Variants in DRC5 observed in about 807,000 individuals in gnomAD.
The protein encoded by DRC5 is dynein regulatory complex subunit 5.
At chr6:44,282,144 G>A in the DRC5 span, 4 of 1,614,170 alleles carry the variant, frequency 2.5e-6, no homozygotes, top group South Asian at 2.2e-5. Flanking sequence ...GTTGATGCTG[G>A]TGAGTGTGGT....
At chr6:44,291,450 ACT>A in the DRC5 span, among the ~76,000 whole-genome samples, 1 of 152,226 alleles carries the variant, frequency 6.6e-6, no homozygotes, top group Non-Finnish European at 1.5e-5. Flanking sequence ...CCCCGCTGTC[ACT>A]GTTATGAGGA....
At chr6:44,280,136 T>C in the DRC5 span, 7 of 1,551,400 alleles carry the variant, frequency 4.5e-6, no homozygotes, top group Non-Finnish European at 6.2e-6. Flanking sequence ...GGCAGGGGTA[T>C]GAAATGAGGG....
chr6:44,292,671 T>C, the DRC5 span, among the ~76,000 whole-genome samples: 6 of 152,284 alleles, frequency 3.9e-5, no homozygotes, highest in African/African-American at 1.4e-4. Flanking sequence ...GGCTATCTGA[T>C]ATAAGCCAAT....
chr6:44,280,346 G>A, the DRC5 span: 1 of 1,614,082 alleles, frequency 6.2e-7, no homozygotes, highest in South Asian at 1.1e-5. Flanking sequence ...ATTCCAGGAG[G>A]GTCTTGTTGT....
At chr6:44,287,286 A>T in the DRC5 span, 2 of 966,488 alleles carry the variant, frequency 2.1e-6, no homozygotes, top group Non-Finnish European at 2.5e-6. Flanking sequence ...TTTGCTGGAG[A>T]GAGTAGAAAA....
chr6:44,297,689 G>C, the DRC5 span: 3 of 152,204 alleles, frequency 2.0e-5, no homozygotes, highest in African/African-American at 7.2e-5. Context: ...CTCGCCTCAC[G>C]CAGAGTCCCG....
chr6:44,282,411 C>T, the DRC5 span: 1 of 1,613,962 alleles, frequency 6.2e-7, no homozygotes, highest in Non-Finnish European at 8.5e-7. Flanking sequence ...GCGGCTGTGG[C>T]TCAGCAGCTT....
chr6:44,295,820 C>T, the DRC5 span, among the ~76,000 whole-genome samples: 2 of 152,198 alleles, frequency 1.3e-5, no homozygotes, highest in African/African-American at 4.8e-5. Context: ...CAGGTCCCCA[C>T]TTGCCTCAGT....
chr6:44,297,062 A>C, the DRC5 span, among the ~76,000 whole-genome samples: 2 of 8,904 alleles, frequency 2.2e-4, no homozygotes, highest in African/African-American at 3.3e-4. Context: ...GCGGCTCTGG[A>C]GTCTCCCACC....
At chr6:44,288,458 T>C in the DRC5 span, among the ~76,000 whole-genome samples, 2 of 152,122 alleles carry the variant, frequency 1.3e-5, no homozygotes, top group African/African-American at 4.8e-5. Flanking sequence ...AAATTCATGC[T>C]CTGAACCCTA....
At chr6:44,287,355 G>T in the DRC5 span, 1 of 588,322 alleles carries the variant, frequency 1.7e-6, no homozygotes, top group Non-Finnish European at 2.1e-6. Flanking sequence ...GGTGGGACCT[G>T]CCAGTGGGAA....
the DRC5 span, chr6:44,282,500 G>C: frequency 2.6e-5 from 41 of 1,607,360 alleles, 2 homozygotes; most frequent in South Asian, 4.3e-4. Flanking sequence ...GGTCCAGAAG[G>C]CTTCGAATTA....
the DRC5 span, among the ~76,000 whole-genome samples, chr6:44,285,486 C>A: frequency 1.3e-5 from 2 of 152,306 alleles, no homozygotes; most frequent in Non-Finnish European, 2.9e-5. Flanking sequence ...AACTCCGAGG[C>A]TCAAGGGATT....
the DRC5 span, chr6:44,287,605 G>T: frequency 6.2e-7 from 1 of 1,614,116 alleles, no homozygotes. Flanking sequence ...GGGCACGATG[G>T]CCAGTGACCA....
the DRC5 span, among the ~76,000 whole-genome samples, chr6:44,295,244 G>T: frequency 6.6e-6 from 1 of 152,188 alleles, no homozygotes; most frequent in Non-Finnish European, 1.5e-5. Context: ...GGTACGTCTT[G>T]TGCCACCACC....
At chr6:44,283,572 C>A in the DRC5 span, among the ~76,000 whole-genome samples, 2 of 152,204 alleles carry the variant, frequency 1.3e-5, no homozygotes, top group African/African-American at 4.8e-5. Context: ...CCCTCTTACC[C>A]AGCTGAGTCC....
the DRC5 span, among the ~76,000 whole-genome samples, chr6:44,285,407 G>C: frequency 6.6e-6 from 1 of 152,100 alleles, no homozygotes. Flanking sequence ...CAAAATTTTT[G>C]GAGACAGGGT....
At chr6:44,285,948 T>C in the DRC5 span, 740 of 1,599,564 alleles carry the variant, frequency 4.6e-4, 17 homozygotes, top group Admixed American at 0.012. Context: ...GGGGGAAGGC[T>C]GGGAGCAGAC....
the DRC5 span, chr6:44,286,365 C>T: frequency 1.9e-6 from 3 of 1,614,066 alleles, no homozygotes; most frequent in South Asian, 2.2e-5. Flanking sequence ...TTCCAGCTGC[C>T]GCCATGGTGG....
Sources: gnomAD v4.1 joint callset for allele counts (sites outside exome capture counted in the v4.1 genomes callset) on GRCh38, gnomAD v4.1.1 for gene constraint, MANE v1.5 for transcripts, NCBI Gene and HGNC (gene_info 2026-07-23, HGNC 2026-07-21) for gene names.